Variants in THSD7A observed in about 807,000 individuals in gnomAD.
The protein encoded by THSD7A is thrombospondin type 1 domain containing 7A.
In THSD7A, 96 loss-of-function variants were observed where a neutral mutation model predicts 231.3. The observed-to-expected ratio is 0.41, with a 90% CI of 0.35 to 0.49. The LOEUF is 0.49. Ranked by LOEUF, THSD7A falls within the 20% of genes least tolerant of loss-of-function variation. THSD7A has a pLI of 0.05. For synonymous variants in THSD7A, 940 were observed against 743.3 expected, an observed-to-expected ratio of 1.26 and a Z score of -4.30; for missense variants, 2,290 against 2,070.2, an observed-to-expected ratio of 1.11 and a Z score of -2.06.
chr7:11,494,601 T>C (rs1562655571), intron 6 of THSD7A, among the ~76,000 whole-genome samples: 1 of 152,196 alleles, frequency 6.6e-6, no homozygotes, highest in East Asian at 1.9e-4. Flanking sequence ...AGCATGATAA[T>C]ATGGCAATTC....
chr7:11,524,283 T>C (rs947483508), intron 6 of THSD7A, among the ~76,000 whole-genome samples: 4 of 152,094 alleles, frequency 2.6e-5, no homozygotes, highest in African/African-American at 4.8e-5. Context: ...TCTAGATGTA[T>C]GACAATCTTG....
At chr7:11,461,445 A>G (rs565888276) in intron 10 of THSD7A, among the ~76,000 whole-genome samples, 1 of 152,296 alleles carries the variant, frequency 6.6e-6, no homozygotes, top group Non-Finnish European at 1.5e-5. Context: ...CTATTAGATA[A>G]TTTCTGTCTT....
chr7:11,687,555 G>C (rs1780097244), intron 1 of THSD7A, among the ~76,000 whole-genome samples: 3 of 151,836 alleles, frequency 2.0e-5, no homozygotes, highest in Admixed American at 2.0e-4. Flanking sequence ...TTTATCACTG[G>C]GAAGGGAAAT....
intron 24 of THSD7A, among the ~76,000 whole-genome samples, chr7:11,380,766 AG>A (rs1283849216): frequency 6.6e-6 from 1 of 152,200 alleles, no homozygotes; most frequent in Non-Finnish European, 1.5e-5. Context: ...CTCTCCTAAA[AG>A]ATGAAAGAAG....
intron 1 of THSD7A, among the ~76,000 whole-genome samples, chr7:11,789,231 G>C (rs138626289): frequency 6.5e-4 from 99 of 152,186 alleles, no homozygotes; most frequent in African/African-American, 2.3e-3. Flanking sequence ...AATGGGAACA[G>C]AGTCAAGAAA....
intron 1 of THSD7A, among the ~76,000 whole-genome samples, chr7:11,731,468 CATAATGTCTCAG>C (rs2128157323): frequency 6.6e-6 from 1 of 151,638 alleles, no homozygotes; most frequent in Non-Finnish European, 1.5e-5. Flanking sequence ...TAACTACTTC[CATAATGTCTCAG>C]AGTTACTAAT....
chr7:11,413,466 T>C (rs1328280729), intron 17 of THSD7A, among the ~76,000 whole-genome samples: 2 of 152,056 alleles, frequency 1.3e-5, no homozygotes, highest in African/African-American at 4.8e-5. Context: ...GATCAACCAA[T>C]TGTCTTGAAA....
chr7:11,394,506 T>G (rs1445175821), intron 23 of THSD7A, among the ~76,000 whole-genome samples: 1 of 152,186 alleles, frequency 6.6e-6, no homozygotes, highest in Non-Finnish European at 1.5e-5. Context: ...CAAAGGCAGC[T>G]GTTCTCTGAC....
At chr7:11,408,503 T>TTA (rs1562586599) in intron 19 of THSD7A, among the ~76,000 whole-genome samples, 1 of 135,346 alleles carries the variant, frequency 7.4e-6, no homozygotes, top group Non-Finnish European at 1.6e-5. Context: ...GTCTCCAAAA[T>TTA]AAAAAAAAAA....
chr7:11,428,215 A>C (rs1784379376), intron 14 of THSD7A, among the ~76,000 whole-genome samples: 1 of 152,172 alleles, frequency 6.6e-6, no homozygotes, highest in African/African-American at 2.4e-5. Flanking sequence ...ACACATAATA[A>C]ATGAAATTAT....
chr7:11,787,205 A>G (rs1783819138), intron 1 of THSD7A, among the ~76,000 whole-genome samples: 1 of 152,080 alleles, frequency 6.6e-6, no homozygotes, highest in Non-Finnish European at 1.5e-5. Context: ...CTGGACTTTC[A>G]CCGCAAAAAA....
chr7:11,596,812 T>C (rs1199353660), intron 2 of THSD7A, among the ~76,000 whole-genome samples: 4 of 152,216 alleles, frequency 2.6e-5, no homozygotes. Context: ...TGTGGCTTCA[T>C]TGCTTAAGCA....
At chr7:11,441,530 A>C (rs1784803337) in intron 13 of THSD7A, among the ~76,000 whole-genome samples, 1 of 152,116 alleles carries the variant, frequency 6.6e-6, no homozygotes, top group Non-Finnish European at 1.5e-5. Flanking sequence ...AGAAGTACCT[A>C]GTACTGTGTG....
chr7:11,567,745 G>A (rs1790424517), intron 4 of THSD7A, among the ~76,000 whole-genome samples: 1 of 152,062 alleles, frequency 6.6e-6, no homozygotes. Flanking sequence ...GCTGTATATG[G>A]ACCCTGTTAC....
rs1783573845 is a variant in THSD7A, at chr7:11,406,153, C to T, written c.4237+147G>A. 1.3e-6 allele frequency: 1 copy of T among 794,178 alleles called. No homozygotes were observed. The highest frequency in any genetic ancestry group is 1.9e-6 in the Non-Finnish European group (1 of 536,826). 49.2% of individuals were successfully genotyped at this position (794,178 alleles called of 1,614,324 possible). A position where few individuals can be genotyped will look rare whatever the true frequency, so the allele number is the denominator to read the frequency against. On this transcript the variant is annotated intron_variant, in intron 22 of 27. Transcript: ENST00000423059. This position sits in a 1 kb window ranked among gnomAD's most constrained non-coding sequence, Gnocchi z 4.7. ...TAATGAGACAGCGTCCCGTTCCCCA[C>T]AGGCATAGTGTTGAGCTGTTGGCAT...
At chr7:11,481,764 T>G in intron 7 of THSD7A, 24 bp downstream of exon 7, 1 of 1,570,252 alleles carries the variant, frequency 6.4e-7, no homozygotes, top group Non-Finnish European at 8.7e-7. Flanking sequence ...CGAACCTAGA[T>G]GGCGTCTGAA....
At chr7:11,578,389 C>T (rs1327321150) in intron 4 of THSD7A, among the ~76,000 whole-genome samples, 1 of 151,984 alleles carries the variant, frequency 6.6e-6, no homozygotes, top group Non-Finnish European at 1.5e-5. Flanking sequence ...CAAAATGAAA[C>T]CTTATAAATT....
intron 4 of THSD7A, among the ~76,000 whole-genome samples, chr7:11,555,621 T>C (rs1010494050): frequency 1.3e-5 from 2 of 151,842 alleles, no homozygotes; most frequent in African/African-American, 4.8e-5. Flanking sequence ...CTGATTTTCG[T>C]CCTAATTATT....
chr7:11,455,894 AGTTCCTC>A (rs951358056), intron 11 of THSD7A, among the ~76,000 whole-genome samples: 1 of 152,074 alleles, frequency 6.6e-6, no homozygotes, highest in African/African-American at 2.4e-5. Flanking sequence ...CATCACAGAT[AGTTCCTC>A]CAATTTGAAA....
Sources: gnomAD v4.1 joint callset for allele counts (sites outside exome capture counted in the v4.1 genomes callset) on GRCh38, gnomAD v4.1.1 for gene constraint, Gnocchi (gnomAD v3.1) non-coding constraint, MANE v1.5 for transcripts, NCBI Gene and HGNC (gene_info 2026-07-23, HGNC 2026-07-21) for gene names.